Variants in AZIN1 observed in about 807,000 individuals in gnomAD.
AZIN1 encodes antizyme inhibitor 1, also known as ornithine decarboxylase antizyme inhibitor.
In AZIN1, 12 loss-of-function variants were observed where a neutral mutation model predicts 47.4. The observed-to-expected ratio is 0.25, with a 90% CI of 0.16 to 0.41. The LOEUF (loss-of-function observed/expected upper bound fraction) is 0.41. Ranked by LOEUF, AZIN1 falls within the 10% of genes least tolerant of loss-of-function variation. The pLI, the probability that AZIN1 is intolerant of heterozygous loss-of-function variation, is 1.00. For missense variants in AZIN1, 410 were observed against 532.4 expected, an observed-to-expected ratio of 0.77 and a Z score of 2.26; for synonymous variants, 155 against 176.3, an observed-to-expected ratio of 0.88 and a Z score of 0.96.
At position 102,829,257 on chromosome 8, in the gene AZIN1, A is replaced by G; in HGVS notation, c.1235+15T>C. The G allele has an allele frequency of 6.2e-7, 1 of 1,601,590 alleles. No homozygotes were observed. ...GTTCAAATATCCCATCTGCCTTAAA[A>G]TAAAATCACCTTACCAATCACTGAA... On this transcript the variant is annotated intron_variant, in intron 11 of 11. Transcript: ENST00000337198.
At chr8:102,834,790 TAG>T (rs1446182277) in intron 6 of AZIN1, 43 bp from the exon 7 acceptor site, 5 of 1,319,540 alleles carry the variant, frequency 3.8e-6, no homozygotes, top group South Asian at 2.4e-5. Context: ...CAGAAAGTTG[TAG>T]AGACACCTCC....
intron 2 of AZIN1, among the ~76,000 whole-genome samples, chr8:102,854,866 CACA>C (rs1446869346): frequency 1.3e-5 from 2 of 151,686 alleles, no homozygotes; most frequent in East Asian, 1.9e-4. Flanking sequence ...TTCCATACTG[CACA>C]ACATTAAAGG....
intron 1 of AZIN1, among the ~76,000 whole-genome samples, chr8:102,859,783 C>A (rs1394503790): frequency 2.0e-5 from 3 of 152,144 alleles, no homozygotes; most frequent in Admixed American, 6.6e-5. Flanking sequence ...TTGCAGTGAG[C>A]CGAGATTGTG....
At chr8:102,841,567 G>A (rs1307661211) in intron 3 of AZIN1, among the ~76,000 whole-genome samples, 1 of 152,148 alleles carries the variant, frequency 6.6e-6, no homozygotes, top group East Asian at 1.9e-4. Context: ...CAAGTTTCAT[G>A]ACCAATATGT....
chr8:102,832,575 C>T (rs752562814), intron 9 of AZIN1, among the ~76,000 whole-genome samples: 4 of 151,912 alleles, frequency 2.6e-5, no homozygotes, highest in Non-Finnish European at 4.4e-5. Context: ...CTAAAACACA[C>T]GTATCTAAAC....
At chr8:102,863,688 GC>G (rs1813915386) in intron 1 of AZIN1, 118 bp downstream of exon 1, 1 of 151,056 alleles carries the variant, frequency 6.6e-6, no homozygotes, top group South Asian at 1.8e-4. Context: ...GAGGCGGCCG[GC>G]CGCGGGGCGC....
At chr8:102,832,997 T>C in intron 9 of AZIN1, 59 bp downstream of exon 9, 1 of 1,453,776 alleles carries the variant, frequency 6.9e-7, no homozygotes, top group Non-Finnish European at 9.5e-7. Context: ...ATCTGCTCAT[T>C]TCCAGACTAA....
At chr8:102,860,119 C>T (rs368691611) in intron 1 of AZIN1, among the ~76,000 whole-genome samples, 10 of 152,108 alleles carry the variant, frequency 6.6e-5, no homozygotes, top group African/African-American at 1.7e-4. Context: ...AATGGAAATG[C>T]GGAGAAAAGG....
chr8:102,852,343 A>C (rs981049919), intron 2 of AZIN1, among the ~76,000 whole-genome samples: 2 of 152,204 alleles, frequency 1.3e-5, no homozygotes, highest in Admixed American at 1.3e-4. Flanking sequence ...TGGGAGGCTG[A>C]GGAGGGCAGA....
chr8:102,850,784 A>T (rs1208173892), intron 2 of AZIN1, among the ~76,000 whole-genome samples: 1 of 152,214 alleles, frequency 6.6e-6, no homozygotes. Flanking sequence ...AAAACTGAGT[A>T]ACCTTAGAGG....
intron 1 of AZIN1, among the ~76,000 whole-genome samples, chr8:102,860,461 C>T (rs970710568): frequency 6.6e-6 from 1 of 151,940 alleles, no homozygotes; most frequent in African/African-American, 2.4e-5. Context: ...GATGGGGTTT[C>T]ATCATATTGG....
At chr8:102,835,009 C>G in intron 6 of AZIN1, 1 of 348,946 alleles carries the variant, frequency 2.9e-6, no homozygotes, top group South Asian at 5.0e-5. Flanking sequence ...TACTGTTCCA[C>G]GGTTATACAA....
intron 2 of AZIN1, among the ~76,000 whole-genome samples, chr8:102,853,215 T>C (rs1180577425): frequency 6.6e-6 from 1 of 152,222 alleles, no homozygotes; most frequent in Non-Finnish European, 1.5e-5. Flanking sequence ...GTTTAAAAAC[T>C]GGTCTATGGT....
Position 102,828,293 on chromosome 8 carries a change from A to G in AZIN1, c.*274T>C, listed in dbSNP as rs1047750391. The G allele has an allele frequency of 2.0e-5, 5 of 249,300 alleles. No individual in the cohort carries two copies. Among genetic ancestry groups the G allele is most frequent in the African/African-American group, 1.1e-4 (5 of 44,684 alleles). 15.4% of individuals were successfully genotyped at this position (249,300 alleles called of 1,614,324 possible). ...AATTAATGGGCTTCCATCTCCACTAAGTCATCCATTTTGTTGCATATTTTA... is the reference window on the plus strand; with the variant it reads ...AATTAATGGGCTTCCATCTCCACTAGGTCATCCATTTTGTTGCATATTTTA... On this transcript the variant is annotated 3_prime_UTR_variant, in exon 12 of 12. Transcript: ENST00000337198.
intron 2 of AZIN1, among the ~76,000 whole-genome samples, chr8:102,847,813 T>G (rs1343495216): frequency 6.6e-6 from 1 of 152,112 alleles, no homozygotes; most frequent in Non-Finnish European, 1.5e-5. Context: ...CAGGCTGGTC[T>G]CAAGCTCCTG....
chr8:102,828,706 C>A (rs778130521), intron 11 of AZIN1, 28 bp from the exon 12 acceptor site: 1 of 1,506,972 alleles, frequency 6.6e-7, no homozygotes, highest in South Asian at 1.2e-5. Flanking sequence ...CAGCTAAATT[C>A]TCAGTTTAAG....
At position 102,852,736 on chromosome 8, in the gene AZIN1, T is replaced by C. The variant is rs183971926; in HGVS notation, c.-96+5277A>G. Among the ~76,000 whole-genome samples the C allele has an allele frequency of 7.2e-5, 11 of 152,322 alleles. No individual in the cohort carries two copies. In the East Asian group the frequency reaches 1.7e-3, roughly 24 times the overall value. ...TATGCTACACAGTATTTTCTACTCATGCATAATGTAAAAAACAGTGGATTA... is the reference window on the plus strand; with the variant it reads ...TATGCTACACAGTATTTTCTACTCACGCATAATGTAAAAAACAGTGGATTA... On this transcript the variant is annotated intron_variant, in intron 2 of 11. Transcript: ENST00000337198.
chr8:102,838,053 C>T (rs978143131), intron 5 of AZIN1, among the ~76,000 whole-genome samples: 1 of 152,172 alleles, frequency 6.6e-6, no homozygotes, highest in Non-Finnish European at 1.5e-5. Flanking sequence ...CTTGCCTCAG[C>T]TTCCCAAGTA....
chr8:102,840,275 C>T (rs547570745), intron 3 of AZIN1, among the ~76,000 whole-genome samples: 1 of 152,264 alleles, frequency 6.6e-6, no homozygotes, highest in Non-Finnish European at 1.5e-5. Context: ...AGCTATATAT[C>T]GCCATTAAAA....
Sources: gnomAD v4.1 joint callset for allele counts (sites outside exome capture counted in the v4.1 genomes callset) on GRCh38, gnomAD v4.1.1 for gene constraint, MANE v1.5 for transcripts, NCBI Gene and HGNC (gene_info 2026-07-23, HGNC 2026-07-21) for gene names.